PTPRM: variants seen among roughly 807,000 people sequenced by gnomAD.
PTPRM encodes receptor-type tyrosine-protein phosphatase mu.
In PTPRM, 47 loss-of-function variants were observed where a neutral mutation model predicts 186.7. The observed-to-expected ratio is 0.25, with a 90% CI of 0.20 to 0.32. The LOEUF is 0.32. Ranked by LOEUF, PTPRM falls within the 10% of genes least tolerant of loss-of-function variation. The pLI, the probability that PTPRM is intolerant of heterozygous loss-of-function variation, is 1.00. For missense variants in PTPRM, 1,494 were observed against 1,865.0 expected, an observed-to-expected ratio of 0.80 and a Z score of 3.66; for synonymous variants, 668 against 674.9, an observed-to-expected ratio of 0.99 and a Z score of 0.16.
intron 7 of PTPRM, among the ~76,000 whole-genome samples, chr18:8,046,176 TA>T (rs2087039804): frequency 1.3e-5 from 2 of 152,168 alleles, no homozygotes; most frequent in Admixed American, 1.3e-4. Context: ...GCCATGACTG[TA>T]AGTTTCCTGA....
At chr18:8,004,873 T>C (rs563692290) in intron 7 of PTPRM, among the ~76,000 whole-genome samples, 6 of 152,242 alleles carry the variant, frequency 3.9e-5, no homozygotes, top group African/African-American at 1.4e-4. Flanking sequence ...CTTTTTTTAT[T>C]TACTTAAGGA....
At chr18:8,103,855 CT>C (rs1294963135) in intron 11 of PTPRM, among the ~76,000 whole-genome samples, 2 of 152,166 alleles carry the variant, frequency 1.3e-5, no homozygotes, top group African/African-American at 4.8e-5. Context: ...TAATTTCCGG[CT>C]TTTAATTTAA....
intron 1 of PTPRM, among the ~76,000 whole-genome samples, chr18:7,706,893 C>T (rs751026216): frequency 2.0e-5 from 3 of 151,998 alleles, no homozygotes; most frequent in African/African-American, 4.8e-5. Flanking sequence ...AATCCTTTGA[C>T]GTTTTAACCT....
intron 1 of PTPRM, among the ~76,000 whole-genome samples, chr18:7,746,258 TA>T (rs2040983123): frequency 6.6e-6 from 1 of 151,924 alleles, no homozygotes. Context: ...AAAAGACATG[TA>T]ATCTTCAAAG....
intron 2 of PTPRM, among the ~76,000 whole-genome samples, chr18:7,803,935 C>T (rs1294385985): frequency 6.6e-6 from 1 of 152,000 alleles, no homozygotes. Context: ...GGCAGAAGAT[C>T]AAAAAAGCAA....
intron 7 of PTPRM, among the ~76,000 whole-genome samples, chr18:8,037,978 T>C (rs1022026189): frequency 5.3e-5 from 8 of 152,220 alleles, no homozygotes; most frequent in African/African-American, 1.7e-4. Context: ...GCAGTTCTTA[T>C]GGTATATTAA....
At chr18:7,949,440 AC>A in intron 6 of PTPRM, 85 bp downstream of exon 6, 1 of 1,161,172 alleles carries the variant, frequency 8.6e-7, no homozygotes, top group South Asian at 2.1e-5. Flanking sequence ...TAAAGCTCAA[AC>A]TTACCCTTGT....
chr18:8,016,540 A>G (rs1024440269), intron 7 of PTPRM, among the ~76,000 whole-genome samples: 2 of 151,560 alleles, frequency 1.3e-5, no homozygotes, highest in Admixed American at 6.6e-5. Context: ...CAAAAAAAAA[A>G]AAAAAAGAAA....
intron 1 of PTPRM, among the ~76,000 whole-genome samples, chr18:7,748,008 C>G (rs1357394220): frequency 1.3e-5 from 2 of 152,208 alleles, no homozygotes; most frequent in Non-Finnish European, 2.9e-5. Flanking sequence ...GCACTACCCT[C>G]TTCCCCAACA....
chr18:8,378,748 TG>T (rs1377547224), intron 27 of PTPRM, among the ~76,000 whole-genome samples: 2 of 152,174 alleles, frequency 1.3e-5, no homozygotes, highest in Non-Finnish European at 2.9e-5. Context: ...AGCATAACCA[TG>T]GCACAGTTAC....
chr18:7,609,751 G>A (rs1242861629), intron 1 of PTPRM, among the ~76,000 whole-genome samples: 1 of 152,066 alleles, frequency 6.6e-6, no homozygotes, highest in Non-Finnish European at 1.5e-5. Flanking sequence ...TCTGATTACT[G>A]CCCAGGGATG....
chr18:7,985,415 A>G (rs1428439120), intron 7 of PTPRM, among the ~76,000 whole-genome samples: 1 of 141,010 alleles, frequency 7.1e-6, no homozygotes, highest in African/African-American at 2.6e-5. Context: ...GTATATAAAT[A>G]TATACATATA....
chr18:7,945,835 C>A (rs1339907873), intron 5 of PTPRM, among the ~76,000 whole-genome samples: 3 of 152,154 alleles, frequency 2.0e-5, no homozygotes, highest in Non-Finnish European at 4.4e-5. Context: ...TGCCTGAATC[C>A]ATGCACACAT....
intron 1 of PTPRM, among the ~76,000 whole-genome samples, chr18:7,574,056 A>G (rs1415187608): frequency 6.6e-6 from 1 of 152,180 alleles, no homozygotes; most frequent in Non-Finnish European, 1.5e-5. Flanking sequence ...GTGACCTGAG[A>G]TTGGAGAACC....
At chr18:8,263,443 A>G (rs1209574846) in intron 19 of PTPRM, among the ~76,000 whole-genome samples, 4 of 152,206 alleles carry the variant, frequency 2.6e-5, no homozygotes, top group African/African-American at 9.6e-5. Flanking sequence ...TTTGCTTTAC[A>G]TTTCTTATTT....
At chr18:7,753,771 C>T (rs940113932) in intron 1 of PTPRM, among the ~76,000 whole-genome samples, 1 of 152,106 alleles carries the variant, frequency 6.6e-6, no homozygotes, top group African/African-American at 2.4e-5. Context: ...TAGTTCATAT[C>T]ATTTTGTTTT....
chr18:8,389,807 G>T (rs2095799801), intron 31 of PTPRM, among the ~76,000 whole-genome samples: 1 of 152,280 alleles, frequency 6.6e-6, no homozygotes. Flanking sequence ...TAAGAGCATG[G>T]CATTCAGCAT....
chr18:8,026,224 G>A (rs1230517962), intron 7 of PTPRM, among the ~76,000 whole-genome samples: 2 of 152,214 alleles, frequency 1.3e-5, no homozygotes, highest in Non-Finnish European at 2.9e-5. Context: ...TCCATGGAAA[G>A]TCTGAGAACA....
chr18:8,257,491 A>T (rs2094585342), intron 19 of PTPRM, among the ~76,000 whole-genome samples: 1 of 152,228 alleles, frequency 6.6e-6, no homozygotes, highest in Non-Finnish European at 1.5e-5. Context: ...TATTTGTATG[A>T]GGCACACAGG....
Sources: allele counts gnomAD v4.1 joint callset (sites outside exome capture counted in the v4.1 genomes callset), GRCh38; gene constraint gnomAD v4.1.1; transcripts MANE v1.5; gene names NCBI Gene and HGNC (gene_info 2026-07-23, HGNC 2026-07-21).